Variants in SAP130 observed in about 807,000 individuals in gnomAD.
SAP130 encodes Sin3A associated protein 130.
Under a neutral mutation model 103.2 loss-of-function variants are expected in SAP130, and 16 were observed. The observed-to-expected ratio is 0.16, with a 90% CI of 0.10 to 0.24. SAP130 has a LOEUF of 0.24. Ranked by LOEUF, SAP130 falls within the 10% of genes least tolerant of loss-of-function variation. The pLI is 1.00. For missense variants in SAP130, 990 were observed against 1,359.7 expected (o/e 0.73, Z 4.28); for synonymous variants, 477 against 497.0 (o/e 0.96, Z 0.53).
At chr2:127,993,430 T>C in intron 11 of SAP130, 122 bp from the exon 12 acceptor site, 1 of 1,080,728 alleles carries the variant, frequency 9.3e-7, no homozygotes, top group Non-Finnish European at 1.3e-6. Flanking sequence ...GCTCAAATTG[T>C]GTCCCAAACA....
chr2:128,005,040 T>C (rs1417245014), intron 7 of SAP130, among the ~76,000 whole-genome samples: 1 of 152,186 alleles, frequency 6.6e-6, no homozygotes, highest in Admixed American at 6.5e-5. Flanking sequence ...ACTACGCAGA[T>C]GAACACTGTA....
At chr2:127,952,534 C>T (rs1199400481) in intron 16 of SAP130, among the ~76,000 whole-genome samples, 2 of 151,772 alleles carry the variant, frequency 1.3e-5, no homozygotes, top group East Asian at 1.9e-4. Flanking sequence ...ATGCCTCAAA[C>T]GTGCTGTTTA....
chr2:127,988,911 CTTTTT>C (rs1264414862), intron 13 of SAP130, among the ~76,000 whole-genome samples: 2 of 152,068 alleles, frequency 1.3e-5, no homozygotes, highest in African/African-American at 2.4e-5. Flanking sequence ...ACTAGTATTT[CTTTTT>C]AAGAATTCAT....
chr2:128,027,010 T>A (rs1218118199), intron 1 of SAP130: 1 of 1,253,620 alleles, frequency 8.0e-7, no homozygotes, highest in Non-Finnish European at 1.0e-6. Context: ...CACCTCGGAG[T>A]GTGAGACCCC....
chr2:128,026,374 A>G (rs1236101852), intron 1 of SAP130, 76 bp from the exon 2 acceptor site: 3 of 1,013,184 alleles, frequency 3.0e-6, no homozygotes, highest in African/African-American at 3.2e-5. Context: ...AAGCATCTTT[A>G]GTACCTATGA....
chr2:128,022,916 G>A (rs1433790816), intron 2 of SAP130, among the ~76,000 whole-genome samples: 4 of 151,646 alleles, frequency 2.6e-5, no homozygotes, highest in Non-Finnish European at 4.4e-5. Context: ...TGCAACCTCC[G>A]CTTCCCAGGC....
chr2:127,944,120 C>T (rs1449045487), intron 19 of SAP130, among the ~76,000 whole-genome samples: 1 of 152,206 alleles, frequency 6.6e-6, no homozygotes, highest in East Asian at 1.9e-4. Context: ...CAGCCTTGGT[C>T]TTCCGGGCTC....
At chr2:128,014,191 T>C (rs1397526223) in intron 5 of SAP130, among the ~76,000 whole-genome samples, 26 of 152,144 alleles carry the variant, frequency 1.7e-4, no homozygotes, top group Admixed American at 1.4e-3. Flanking sequence ...GCTAAAAACA[T>C]GGATTGCTCT....
At chr2:128,010,877 G>GA (rs1391957070) in intron 6 of SAP130, among the ~76,000 whole-genome samples, 189 of 24,492 alleles carry the variant, frequency 7.7e-3, no homozygotes, top group African/African-American at 0.021. Context: ...AAATAGAAAA[G>GA]AAAAAAAAAA....
chr2:127,986,690 T>A lies in SAP130; in HGVS notation c.1958+95A>T. 1 of 1,305,310 alleles carries A rather than the reference T, an allele frequency of 7.7e-7. No homozygotes were observed. Among genetic ancestry groups the A allele is most frequent in the Admixed American group, 2.1e-5 (1 of 47,706 alleles). The allele number at this position is 1,305,310 out of a possible 1,614,324, so 80.9% of individuals were successfully genotyped here. On this transcript the variant is annotated intron_variant, in intron 14 of 20. Coordinates refer to ENST00000643581, the MANE Select transcript of SAP130 (RefSeq NM_001330301.2). The surrounding 1 kb of genome is among the most constrained non-coding windows in gnomAD (Gnocchi z 4.7). The stretch of plus-strand genomic sequence containing the variant: ...TTAACACACCACAGAAAATGAGAGA[T>A]GAGTTTGATACCAGCATTAGATAAG...
At chr2:128,016,818 T>C (rs1174667790) in intron 3 of SAP130, among the ~76,000 whole-genome samples, 1 of 152,210 alleles carries the variant, frequency 6.6e-6, no homozygotes, top group African/African-American at 2.4e-5. Flanking sequence ...CCCAGAGCTG[T>C]ATGGCTCACA....
intron 12 of SAP130, among the ~76,000 whole-genome samples, 151 bp downstream of exon 12, chr2:127,993,032 ATTAT>A (rs542952944): frequency 1.2e-3 from 179 of 152,358 alleles, no homozygotes; most frequent in African/African-American, 4.1e-3. Context: ...CACAAAGATG[ATTAT>A]TTAAGACCTT....
chr2:127,967,051 A>G (rs1195414318), intron 15 of SAP130, among the ~76,000 whole-genome samples: 1 of 152,218 alleles, frequency 6.6e-6, no homozygotes, highest in African/African-American at 2.4e-5. Flanking sequence ...TGTTAAATCC[A>G]AAACAAGACA....
intron 15 of SAP130, among the ~76,000 whole-genome samples, chr2:127,976,258 A>G (rs1054832621): frequency 1.3e-5 from 2 of 152,212 alleles, no homozygotes; most frequent in Non-Finnish European, 2.9e-5. Flanking sequence ...CAAGGAGCAC[A>G]TGGCTTATTC....
At chr2:128,007,800 G>C (rs1327621892) in intron 7 of SAP130, among the ~76,000 whole-genome samples, 1 of 152,054 alleles carries the variant, frequency 6.6e-6, no homozygotes, top group African/African-American at 2.4e-5. Flanking sequence ...TCACTCTCTA[G>C]TACCCCTGGA....
intron 15 of SAP130, among the ~76,000 whole-genome samples, chr2:127,971,052 G>A (rs988046508): frequency 2.0e-5 from 3 of 151,874 alleles, no homozygotes; most frequent in African/African-American, 4.8e-5. Flanking sequence ...CCAGGCTCAA[G>A]CAATCCTCCC....
chr2:127,973,994 T>C (rs1157884100), intron 15 of SAP130, among the ~76,000 whole-genome samples: 1 of 152,076 alleles, frequency 6.6e-6, no homozygotes, highest in African/African-American at 2.4e-5. Flanking sequence ...TGAGCTGAGA[T>C]TGCACCACTA....
At chr2:127,951,955 C>G (rs1200209174) in intron 16 of SAP130, among the ~76,000 whole-genome samples, 1 of 152,190 alleles carries the variant, frequency 6.6e-6, no homozygotes, top group African/African-American at 2.4e-5. Flanking sequence ...CACCTTATCT[C>G]CCCATCTCCA....
rs771031539 is a variant in SAP130, at chr2:127,942,552, AG to A, written c.2902-16del. 1 of 1,453,804 alleles carries A rather than the reference AG, an allele frequency of 6.9e-7. No homozygotes were observed. Among genetic ancestry groups the A allele is most frequent in the Non-Finnish European group, 9.7e-7 (1 of 1,034,416 alleles). The allele number at this position is 1,453,804 out of a possible 1,614,324, so 90.1% of individuals were successfully genotyped here. On this transcript the variant is annotated splice_polypyrimidine_tract_variant and intron_variant, in intron 19 of 20. Transcript: ENST00000643581. This position sits in a 1 kb window ranked among gnomAD's most constrained non-coding sequence, Gnocchi z 4.8. ...TCTAGATTCGTCTGCAACACACAAAAGGGAGGGTATCATAAGCTCGGAAATA... is the reference window on the plus strand; with the variant it reads ...TCTAGATTCGTCTGCAACACACAAAAGGAGGGTATCATAAGCTCGGAAATA...
Sources: allele counts gnomAD v4.1 joint callset (sites outside exome capture counted in the v4.1 genomes callset), GRCh38; gene constraint gnomAD v4.1.1; non-coding constraint Gnocchi (gnomAD v3.1); transcripts MANE v1.5; gene names NCBI Gene and HGNC (gene_info 2026-07-23, HGNC 2026-07-21).